The following RALYL variants were observed in gnomAD, a reference collection of about 807,000 sequenced individuals.
RALYL encodes RNA-binding Raly-like protein.
Under a neutral mutation model 35.1 loss-of-function variants are expected in RALYL, and 29 were observed. The ratio of observed to expected loss-of-function variants is 0.83; its 90% CI spans 0.61 to 1.13. The LOEUF is 1.13. Ranked by LOEUF, RALYL falls within the 50% of genes most tolerant of loss-of-function variation. The pLI is 0.00. For missense variants in RALYL, 359 were observed against 360.4 expected (o/e 1.00, Z 0.03); for synonymous variants, 120 against 127.6 (o/e 0.94, Z 0.40).
chr8:84,656,686 T>C (rs1588808383), intron 2 of RALYL, among the ~76,000 whole-genome samples: 1 of 152,092 alleles, frequency 6.6e-6, no homozygotes, highest in African/African-American at 2.4e-5. Context: ...TTACCCAAAA[T>C]TGAGTGTAGA....
chr8:84,425,838 G>C (rs2046367770), intron 1 of RALYL, among the ~76,000 whole-genome samples: 1 of 148,460 alleles, frequency 6.7e-6, no homozygotes, highest in Non-Finnish European at 1.5e-5. Flanking sequence ...TTGCTTGAAA[G>C]GTAGTCAGCT....
At chr8:84,423,860 G>C (rs1186905649) in intron 1 of RALYL, among the ~76,000 whole-genome samples, 1 of 151,542 alleles carries the variant, frequency 6.6e-6, no homozygotes, top group Non-Finnish European at 1.5e-5. Context: ...TTTTCTTTAA[G>C]AATGTTGAAT....
chr8:84,469,084 G>A (rs2052256471), intron 1 of RALYL, among the ~76,000 whole-genome samples: 1 of 152,154 alleles, frequency 6.6e-6, no homozygotes, highest in South Asian at 2.1e-4. Flanking sequence ...TTTGCCTTCG[G>A]TTTGAATGTC....
At chr8:84,759,383 T>G (rs1348099112) in intron 2 of RALYL, among the ~76,000 whole-genome samples, 1 of 152,096 alleles carries the variant, frequency 6.6e-6, no homozygotes, top group Non-Finnish European at 1.5e-5. Context: ...ATACACACAC[T>G]CAAGGTCCAG....
intron 1 of RALYL, among the ~76,000 whole-genome samples, chr8:84,252,374 T>G (rs1830360536): frequency 2.0e-5 from 3 of 152,160 alleles, no homozygotes; most frequent in African/African-American, 7.2e-5. Flanking sequence ...AATTAAATAT[T>G]AATTAGTTAT....
At chr8:84,562,156 C>A (rs961399495) in intron 2 of RALYL, among the ~76,000 whole-genome samples, 1 of 151,942 alleles carries the variant, frequency 6.6e-6, no homozygotes, top group African/African-American at 2.4e-5. Context: ...GACCAAAATA[C>A]TTGCTGTAAA....
At chr8:84,476,942 G>A (rs1466038993) in intron 1 of RALYL, among the ~76,000 whole-genome samples, 1 of 152,050 alleles carries the variant, frequency 6.6e-6, no homozygotes, top group East Asian at 1.9e-4. Flanking sequence ...ATTTTTATGT[G>A]GTAATGAAGA....
chr8:84,825,904 A>T (rs1829570571), intron 4 of RALYL, among the ~76,000 whole-genome samples: 1 of 152,070 alleles, frequency 6.6e-6, no homozygotes, highest in Non-Finnish European at 1.5e-5. Context: ...CATCAACCTA[A>T]ATGTCCATCA....
At chr8:84,719,290 C>G (rs145381417) in intron 2 of RALYL, among the ~76,000 whole-genome samples, 140 of 152,266 alleles carry the variant, frequency 9.2e-4, no homozygotes, top group African/African-American at 3.2e-3. Flanking sequence ...ATTTATGTAC[C>G]TGTTGTAGCA....
At chr8:84,406,476 A>G (rs2043511151) in intron 1 of RALYL, among the ~76,000 whole-genome samples, 1 of 151,872 alleles carries the variant, frequency 6.6e-6, no homozygotes, top group Non-Finnish European at 1.5e-5. Context: ...TGCTTGGTTT[A>G]CTACCTAACA....
intron 1 of RALYL, among the ~76,000 whole-genome samples, chr8:84,191,612 A>G (rs1813896320): frequency 6.6e-6 from 1 of 152,206 alleles, no homozygotes; most frequent in Non-Finnish European, 1.5e-5. Context: ...ATGGTCAAAG[A>G]CAAATAAGGC....
intron 7 of RALYL, among the ~76,000 whole-genome samples, chr8:84,882,600 A>G (rs1842353043): frequency 6.6e-6 from 1 of 152,054 alleles, no homozygotes; most frequent in Non-Finnish European, 1.5e-5. Flanking sequence ...TGATTCCACA[A>G]TTCATTAATA....
intron 2 of RALYL, among the ~76,000 whole-genome samples, chr8:84,762,677 C>T (rs1563546156): frequency 6.6e-6 from 1 of 152,102 alleles, no homozygotes; most frequent in Non-Finnish European, 1.5e-5. Context: ...GCTGCATTAC[C>T]TTGTGCAAAT....
chr8:84,310,274 C>T (rs1340014822), intron 1 of RALYL, among the ~76,000 whole-genome samples: 2 of 151,540 alleles, frequency 1.3e-5, no homozygotes, highest in African/African-American at 2.4e-5. Flanking sequence ...CTCCTGACCT[C>T]GTGATCCACC....
At chr8:84,231,995 A>T (rs1253204385) in intron 1 of RALYL, among the ~76,000 whole-genome samples, 1 of 152,178 alleles carries the variant, frequency 6.6e-6, no homozygotes, top group East Asian at 1.9e-4. Flanking sequence ...ATCATCATGG[A>T]AAAGGCAGAT....
chr8:84,458,918 A>C (rs1243131138), intron 1 of RALYL, among the ~76,000 whole-genome samples: 1 of 151,712 alleles, frequency 6.6e-6, no homozygotes, highest in Admixed American at 6.6e-5. Flanking sequence ...GTATGTATGT[A>C]CTTTTTTATT....
At chr8:84,244,964 G>A (rs1828758681) in intron 1 of RALYL, among the ~76,000 whole-genome samples, 1 of 152,142 alleles carries the variant, frequency 6.6e-6, no homozygotes, top group African/African-American at 2.4e-5. Flanking sequence ...AGAAGGGAGA[G>A]TGATTTTCAA....
intron 2 of RALYL, among the ~76,000 whole-genome samples, chr8:84,586,897 G>A (rs1486422127): frequency 6.6e-6 from 1 of 152,100 alleles, no homozygotes; most frequent in Non-Finnish European, 1.5e-5. Flanking sequence ...CTACATCACT[G>A]TTAGAAAATG....
At chr8:84,652,896 T>C (rs1028292768) in intron 2 of RALYL, among the ~76,000 whole-genome samples, 4 of 152,116 alleles carry the variant, frequency 2.6e-5, no homozygotes, top group Non-Finnish European at 4.4e-5. Context: ...AAACCAGGAT[T>C]ATTTAATCAA....
Sources: gnomAD v4.1 joint callset for allele counts (sites outside exome capture counted in the v4.1 genomes callset) on GRCh38, gnomAD v4.1.1 for gene constraint, MANE v1.5 for transcripts, NCBI Gene and HGNC (gene_info 2026-07-23, HGNC 2026-07-21) for gene names.